The following TMEM40 variants were observed in gnomAD, a reference collection of about 807,000 sequenced individuals.
TMEM40 encodes the protein transmembrane protein 40.
A neutral mutation model predicts 40.8 loss-of-function variants in TMEM40; 34 were observed. The ratio of observed to expected loss-of-function variants is 0.83; its 90% CI spans 0.63 to 1.11. The LOEUF (loss-of-function observed/expected upper bound fraction) is 1.11, where lower values mean the gene tolerates loss of function less well. Among genes scored for constraint, TMEM40 ranks in the 50% least tolerant of loss-of-function variants. The pLI, the probability that TMEM40 is intolerant of heterozygous loss-of-function variation, is 0.00. For synonymous variants in TMEM40, 106 were observed against 107.0 expected, an observed-to-expected ratio of 0.99 and a Z score of 0.06; for missense variants, 296 against 280.2, an observed-to-expected ratio of 1.06 and a Z score of -0.40.
At chr3:12,762,447 G>A (rs1038942014), upstream of TMEM40, among the ~76,000 whole-genome samples, 1 of 152,090 alleles carries the variant, frequency 6.6e-6, no homozygotes, top group African/African-American at 2.4e-5. Context: ...GGGGACCCCG[G>A]GTCTAATTAT....
intron 2 of TMEM40, 149 bp from the exon 3 acceptor site, chr3:12,748,941 A>T: frequency 2.9e-6 from 2 of 681,502 alleles, no homozygotes; most frequent in Non-Finnish European, 5.0e-6. Context: ...TGCAACATGC[A>T]GGAGACCAAG....
At chr3:12,743,871 A>G (rs2061402016) in intron 4 of TMEM40, 29 bp downstream of exon 4, 2 of 1,606,410 alleles carry the variant, frequency 1.2e-6, no homozygotes, top group Non-Finnish European at 1.7e-6. Flanking sequence ...CGAGTGGGCA[A>G]AAGAAAAATG....
At chr3:12,767,807 A>C (rs951778127) in intron 1 of TMEM40, among the ~76,000 whole-genome samples, 2 of 152,146 alleles carry the variant, frequency 1.3e-5, no homozygotes, top group Non-Finnish European at 2.9e-5. Context: ...TTGAGGACCT[A>C]CTGGGGCTAG....
At position 12,735,616 on chromosome 3, in the gene TMEM40, C is replaced by T. The variant is rs573756207; in HGVS notation, c.621G>A (p.Val207=). 1.4e-4 allele frequency: 221 copies of T among 1,611,470 alleles called. 1 individual carries two copies. The South Asian group carries it at 1.7e-3, about 12-fold the overall frequency. ...CTTGGAGGACGCTGTGGATACGGTA[C>T]ACTGCTCAGAAGCAAAGAAAAAAGT... is the stretch of plus-strand genomic sequence containing the variant. The part of the protein sequence containing the change: ...LETVGIYFGL[V]YRIHSVLQGF... Residue 207 remains valine (V), a splice_region_variant and synonymous_variant, in exon 11 of 12, where the codon GTG becomes GTA. Coordinates refer to ENST00000314124, the MANE Select transcript of TMEM40 (RefSeq NM_018306.4).
chr3:12,762,726 C>T (rs959588801), upstream of TMEM40, among the ~76,000 whole-genome samples: 3 of 152,218 alleles, frequency 2.0e-5, no homozygotes, highest in African/African-American at 7.2e-5. Flanking sequence ...CCCGGACCAG[C>T]TGCTACAGCA....
At chr3:12,751,279 GT>G (rs35303171) in intron 1 of TMEM40, among the ~76,000 whole-genome samples, 35,814 of 134,182 alleles carry the variant, frequency 0.27, 6,305 homozygotes, top group African/African-American at 0.57. Flanking sequence ...TCCATTACCC[GT>G]TTTTTTTTTC....
At chr3:12,766,019 G>A (rs1028002835) in intron 1 of TMEM40, among the ~76,000 whole-genome samples, 5 of 151,860 alleles carry the variant, frequency 3.3e-5, no homozygotes, top group Non-Finnish European at 5.9e-5. Flanking sequence ...ACCTGCGCCC[G>A]GCTAATTTTT....
intron 1 of TMEM40, among the ~76,000 whole-genome samples, chr3:12,752,151 C>T (rs973791326): frequency 6.6e-6 from 1 of 152,120 alleles, no homozygotes; most frequent in Non-Finnish European, 1.5e-5. Context: ...TGCAGTGGTG[C>T]AATCACAGCT....
At chr3:12,748,481 G>C (rs116719437) in intron 3 of TMEM40, among the ~76,000 whole-genome samples, 174 bp downstream of exon 3, 3 of 152,166 alleles carry the variant, frequency 2.0e-5, no homozygotes, top group Non-Finnish European at 4.4e-5. Context: ...TTGCCTATAC[G>C]ATCAATGATA....
chr3:12,736,731 C>A (rs1231530891), intron 9 of TMEM40, 33 bp downstream of exon 9: 4 of 1,614,004 alleles, frequency 2.5e-6, no homozygotes, highest in Admixed American at 1.7e-5. Flanking sequence ...CATGCCATCC[C>A]CCTTGTGCAT....
At chr3:12,751,880 G>C (rs1038092548) in intron 1 of TMEM40, among the ~76,000 whole-genome samples, 1 of 152,126 alleles carries the variant, frequency 6.6e-6, no homozygotes, top group Non-Finnish European at 1.5e-5. Flanking sequence ...AAAGTGATGA[G>C]CTCTTTTTCC....
chr3:12,734,768 G>C lies in TMEM40; in HGVS notation c.*6C>G. ...GCCTGCCTCTGCTGCCCACCTGGAAGTGGCCTCAGTCAGTCTTCCTGAACC... is the reference window on the plus strand; with the variant it reads ...GCCTGCCTCTGCTGCCCACCTGGAACTGGCCTCAGTCAGTCTTCCTGAACC... On this transcript the variant is annotated 3_prime_UTR_variant, in exon 12 of 12. Coordinates refer to ENST00000314124, the MANE Select transcript of TMEM40 (RefSeq NM_018306.4). The C allele has an allele frequency of 6.3e-7, 1 of 1,596,736 alleles. No homozygotes were observed. The highest frequency in any genetic ancestry group is 8.5e-7 in the Non-Finnish European group (1 of 1,172,254).
At chr3:12,752,045 C>T (rs926105656) in intron 1 of TMEM40, among the ~76,000 whole-genome samples, 1 of 152,144 alleles carries the variant, frequency 6.6e-6, no homozygotes, top group Non-Finnish European at 1.5e-5. Context: ...AAACAATACC[C>T]ATCAACTCTA....
chr3:12,760,867 G>C (rs1210242827), upstream of TMEM40, among the ~76,000 whole-genome samples: 1 of 151,984 alleles, frequency 6.6e-6, no homozygotes, highest in Admixed American at 6.6e-5. Context: ...TCAGCCTGCT[G>C]AGGAGCTGGG....
At chr3:12,764,934 C>T (rs186030107) in intron 1 of TMEM40, among the ~76,000 whole-genome samples, 246 of 151,890 alleles carry the variant, frequency 1.6e-3, no homozygotes, top group African/African-American at 5.6e-3. Flanking sequence ...TGCAGTGGCG[C>T]AATCTCGGCT....
intron 1 of TMEM40, among the ~76,000 whole-genome samples, chr3:12,765,184 G>A (rs1460074426): frequency 6.6e-6 from 1 of 152,212 alleles, no homozygotes; most frequent in Non-Finnish European, 1.5e-5. Context: ...AAAAAATAAA[G>A]AGGGAGTAGA....
intron 1 of TMEM40, among the ~76,000 whole-genome samples, chr3:12,750,581 G>A (rs1306957331): frequency 6.6e-5 from 10 of 152,222 alleles, no homozygotes; most frequent in Non-Finnish European, 1.2e-4. Context: ...AAATCTGAGA[G>A]GAGGTAGATT....
intron 1 of TMEM40, among the ~76,000 whole-genome samples, chr3:12,766,843 G>C (rs1010445638): frequency 5.4e-5 from 8 of 148,840 alleles, no homozygotes; most frequent in African/African-American, 2.1e-4. Flanking sequence ...TTTAGGGGCA[G>C]AGGGGGGACC....
intron 1 of TMEM40, among the ~76,000 whole-genome samples, chr3:12,767,202 G>A (rs530829897): frequency 1.5e-3 from 231 of 152,308 alleles, no homozygotes; most frequent in African/African-American, 4.8e-3. Flanking sequence ...TGGGGGGTCA[G>A]TTGCCAAATT....
Sources: gnomAD v4.1 joint callset for allele counts (sites outside exome capture counted in the v4.1 genomes callset) on GRCh38, gnomAD v4.1.1 for gene constraint, MANE v1.5 for transcripts, NCBI Gene and HGNC (gene_info 2026-07-23, HGNC 2026-07-21) for gene names.